SNX19: variants seen among roughly 807,000 people sequenced by gnomAD.
SNX19 encodes the protein sorting nexin 19, also known as sorting nexin-19.
A neutral mutation model predicts 85.2 loss-of-function variants in SNX19; 60 were observed. That is an observed-to-expected ratio of 0.70 (90% CI 0.57 to 0.87). SNX19 has a LOEUF of 0.87. SNX19 is among the 40% of genes least tolerant of loss of function. The probability of loss-of-function intolerance (pLI) is 0.00; values close to 1 mark genes in which losing one functional copy is unlikely to be tolerated. For missense variants in SNX19, 1,201 were observed against 1,217.8 expected (o/e 0.99, Z 0.21); for synonymous variants, 520 against 470.0 (o/e 1.11, Z -1.38).
At position 130,905,746 on chromosome 11, in the gene SNX19, C is replaced by A. The variant is rs1255134523; in HGVS notation, c.2443+207G>T. On this transcript the variant is annotated intron_variant, in intron 7 of 10. Coordinates refer to ENST00000265909, the MANE Select transcript of SNX19 (RefSeq NM_014758.3). ...TGGATTAGAACTTCCTGTGTTTGTGCCCTGTTCTGCTGCTTGATTCCGCTG... is the reference window on the plus strand; with the variant it reads ...TGGATTAGAACTTCCTGTGTTTGTGACCTGTTCTGCTGCTTGATTCCGCTG... The A allele has an allele frequency of 3.9e-6, 6 of 1,536,682 alleles. No homozygotes were observed. In the African/African-American group the frequency reaches 8.2e-5, roughly 21 times the overall value.
chr11:130,886,616 C>T (rs1944094828), intron 8 of SNX19, among the ~76,000 whole-genome samples: 1 of 152,132 alleles, frequency 6.6e-6, no homozygotes, highest in South Asian at 2.1e-4. Context: ...TTGGCTCATC[C>T]AATCAGTAGC....
chr11:130,890,938 G>A (rs1158996568), intron 8 of SNX19, among the ~76,000 whole-genome samples: 1 of 144,118 alleles, frequency 6.9e-6, no homozygotes, highest in South Asian at 2.2e-4. Context: ...GCCTACCACA[G>A]AGAAAGCAAT....
rs148010663 is a variant in SNX19, at chr11:130,914,595, T to G, written c.1345A>C (p.Ile449Leu). Residue 449 changes from isoleucine to leucine, a missense_variant, in exon 1 of 11, where the codon ATT (isoleucine) becomes CTT (leucine). Around this residue, in one of 3 missense-constraint regions of SNX19, gnomAD observed 791 missense variants for 750.9 expected, o/e 1.05. Transcript: ENST00000265909. ...STLNSCPEIH[I>L]DTADKEIEQG... ...TCTATCTCCTTGTCTGCTGTGTCAA[T>G]ATGGATCTCTGGGCAGGAATTCAGT... 84 of 1,613,942 alleles carry G rather than the reference T, an allele frequency of 5.2e-5. No homozygotes were observed. In the African/African-American group the frequency reaches 9.2e-4, roughly 18 times the overall value.
chr11:130,881,577 C>T (rs1445195024), intron 8 of SNX19, among the ~76,000 whole-genome samples: 2 of 152,224 alleles, frequency 1.3e-5, no homozygotes, highest in African/African-American at 4.8e-5. Flanking sequence ...ACAAATTCCT[C>T]TCTCTACCTC....
chr11:130,907,440 AT>A lies in SNX19; in HGVS notation c.2165+512del, dbSNP rs542917495. Among the ~76,000 whole-genome samples the A allele has an allele frequency of 1.2e-3, 186 of 152,254 alleles. 2 individuals carry two copies. Among genetic ancestry groups the A allele is most frequent in the South Asian group, 2.5e-3 (12 of 4,826 alleles). ...CTTGCTTGCCACATGTTGGCTTTGA[AT>A]GCTGCCAGGGAACAGCTAGGGCCCT... On this transcript the variant is annotated intron_variant, in intron 5 of 10. Transcript: ENST00000265909.
chr11:130,879,200 G>A (rs1221292238), intron 10 of SNX19, among the ~76,000 whole-genome samples: 1 of 152,148 alleles, frequency 6.6e-6, no homozygotes, highest in Non-Finnish European at 1.5e-5. Context: ...ATAAGGCCAG[G>A]GCTCATGGTG....
In SNX19 at chr11:130,868,705, T is replaced by A. The variant is rs1193783980; in HGVS notation, c.*9717A>T. 1.3e-5 allele frequency: 2 copies of A among 151,926 alleles called. No individual in the cohort carries two copies. Among genetic ancestry groups the A allele is most frequent in the South Asian group, 2.1e-4 (1 of 4,770 alleles). 9.4% of individuals were successfully genotyped at this position (151,926 alleles called of 1,614,324 possible). A position where few individuals can be genotyped will look rare whatever the true frequency, so the allele number is the denominator to read the frequency against. On this transcript the variant is annotated 3_prime_UTR_variant, in exon 11 of 11. Coordinates refer to ENST00000265909, the MANE Select transcript of SNX19 (RefSeq NM_014758.3). Reference sequence around the variant, plus strand: ...CGACCACACCCCATGCCCAGTATACTCTTAGAGCAGAGAGGAGGTCTGGAG... The same window carrying A: ...CGACCACACCCCATGCCCAGTATACACTTAGAGCAGAGAGGAGGTCTGGAG...
rs758478627 is a variant in SNX19, at chr11:130,914,737, G to A, written c.1203C>T (p.Ala401=). The stretch of plus-strand genomic sequence containing the variant: ...CCTGGGAACTCTCTAGGGCACACAG[G>A]GCATCCTGAATCCTGTCAGAGAGAA... ...GSFLSDRIQD[A]LCALESSQAL... is the part of the protein sequence containing the mutation. Residue 401 remains alanine (A), a synonymous_variant, in exon 1 of 11, where the codon GCC becomes GCT. Transcript: ENST00000265909. 6 of 1,614,116 alleles carry A rather than the reference G, an allele frequency of 3.7e-6. No individual in the cohort carries two copies. Among genetic ancestry groups the A allele is most frequent in the Non-Finnish European group, 5.1e-6 (6 of 1,180,010 alleles).
In SNX19 at chr11:130,871,111, A is replaced by T. The variant is rs774782298; in HGVS notation, c.*7311T>A. Among the ~76,000 whole-genome samples, 1 of 152,188 alleles carries T rather than the reference A, an allele frequency of 6.6e-6. No homozygotes were observed. Among genetic ancestry groups the T allele is most frequent in the Non-Finnish European group, 1.5e-5 (1 of 68,040 alleles). On this transcript the variant is annotated 3_prime_UTR_variant, in exon 11 of 11. Coordinates refer to ENST00000265909, the MANE Select transcript of SNX19 (RefSeq NM_014758.3). ...TGGAAGGAAGGACATGAACAAAAAA[A>T]TGAAAGCAGGAAGGAACATGCTGGT...
chr11:130,911,374 T>A, intron 2 of SNX19: 1 of 1,105,116 alleles, frequency 9.0e-7, no homozygotes, highest in Non-Finnish European at 1.1e-6. Context: ...CAGGCACAGG[T>A]GGAAATGTGA....
intron 8 of SNX19, 102 bp downstream of exon 8, chr11:130,903,153 A>G (rs903609267): frequency 2.0e-6 from 3 of 1,522,206 alleles, no homozygotes; most frequent in East Asian, 2.3e-5. Flanking sequence ...CAGAGAATCT[A>G]TCTTCTCTTA....
Position 130,873,578 on chromosome 11 carries a change from C to T in SNX19, c.*4844G>A, listed in dbSNP as rs141741954. ...ACCACTCTGTGCCTCATGTTCCCCACCTAGAAAATGGGGATATATTAGATT... is the reference window on the plus strand; with the variant it reads ...ACCACTCTGTGCCTCATGTTCCCCATCTAGAAAATGGGGATATATTAGATT... On this transcript the variant is annotated 3_prime_UTR_variant, in exon 11 of 11. Transcript: ENST00000265909. Among the ~76,000 whole-genome samples, 1,834 of 152,210 alleles carry T rather than the reference C, an allele frequency of 0.012. 21 individuals carry two copies. Among genetic ancestry groups the T allele is most frequent in the Admixed American group, 0.021 (322 of 15,286 alleles).
chr11:130,904,712 T>TA (rs1415566873), intron 7 of SNX19, among the ~76,000 whole-genome samples: 1 of 145,996 alleles, frequency 6.8e-6, no homozygotes, highest in African/African-American at 2.5e-5. Context: ...TTGTTTTTTA[T>TA]AATCATATGA....
Position 130,878,582 on chromosome 11 carries a change from G to T in SNX19, c.2847-28C>A, listed in dbSNP as rs1485847483. ...GAAACGAATGGACAAAAAACTTAGG[G>T]TCTGGCTCAATCAGGAAACACAAGA... On this transcript the variant is annotated intron_variant, in intron 10 of 10. Transcript: ENST00000265909. 3 of 1,606,532 alleles carry T rather than the reference G, an allele frequency of 1.9e-6. No homozygotes were observed. In the South Asian group the frequency reaches 3.3e-5, roughly 18 times the overall value.
intron 2 of SNX19, chr11:130,911,391 A>G (rs982704031): frequency 2.4e-6 from 3 of 1,234,750 alleles, no homozygotes; most frequent in Non-Finnish European, 3.1e-6. Flanking sequence ...GTGAACACTT[A>G]TTTTTTAATC....
chr11:130,888,174 T>C (rs1227823517), intron 8 of SNX19, among the ~76,000 whole-genome samples: 1 of 152,146 alleles, frequency 6.6e-6, no homozygotes, highest in Non-Finnish European at 1.5e-5. Context: ...TAAAAAAAAA[T>C]CTAAATTATA....
In SNX19 at chr11:130,870,849, T is replaced by A. The variant is rs529366556; in HGVS notation, c.*7573A>T. Among the ~76,000 whole-genome samples, 14 of 151,826 alleles carry A rather than the reference T, an allele frequency of 9.2e-5. No individual in the cohort carries two copies. Among genetic ancestry groups the A allele is most frequent in the African/African-American group, 3.4e-4 (14 of 41,308 alleles). On this transcript the variant is annotated 3_prime_UTR_variant, in exon 11 of 11. Transcript: ENST00000265909. ...TTGGGGGGGGGGCATAAGGACATAA[T>A]AGGACTAAAAAAGATAAAAGATATG...
rs1294806723 is a variant in SNX19, at chr11:130,897,934, T to A, written c.2573+5321A>T. ...GTGCTTCTTGTTACATAATTGGATGTTCCCAGCACAGAAGCTGACACATGA... is the reference window on the plus strand; with the variant it reads ...GTGCTTCTTGTTACATAATTGGATGATCCCAGCACAGAAGCTGACACATGA... On this transcript the variant is annotated intron_variant, in intron 8 of 10. Transcript: ENST00000265909. Among the ~76,000 whole-genome samples, 5 of 152,194 alleles carry A rather than the reference T, an allele frequency of 3.3e-5. No homozygotes were observed. The East Asian group carries it at 9.6e-4, about 29-fold the overall frequency.
At chr11:130,907,834 T>C (rs1329271042) in intron 5 of SNX19, 119 bp downstream of exon 5, 6 of 1,458,974 alleles carry the variant, frequency 4.1e-6, no homozygotes, top group Non-Finnish European at 5.5e-6. Flanking sequence ...GCCTAAAAAC[T>C]GGTATGTCTG....
Sources: allele counts gnomAD v4.1 joint callset (sites outside exome capture counted in the v4.1 genomes callset), GRCh38; gene constraint gnomAD v4.1.1; regional missense constraint gnomAD v4.1.1; transcripts MANE v1.5; gene names NCBI Gene and HGNC (gene_info 2026-07-23, HGNC 2026-07-21).